The following PAQR8 variants were observed in gnomAD, a reference collection of about 807,000 sequenced individuals.
PAQR8 encodes the protein progestin and adipoQ receptor family member 8.
In PAQR8, 17 loss-of-function variants were observed where a neutral mutation model predicts 25.2. The observed-to-expected ratio is 0.67, with a 90% confidence interval of 0.46 to 1.01. The LOEUF is 1.01. PAQR8 is among the 50% of genes least tolerant of loss of function. The pLI is 0.00. For synonymous variants in PAQR8, 204 were observed against 190.6 expected (o/e 1.07, Z -0.58); for missense variants, 392 against 448.4 (o/e 0.87, Z 1.14).
rs1351880166 is a variant in PAQR8 at position 52,405,413 on chromosome 6, C to T, written c.*1135C>T. 2.4e-5 allele frequency: 4 copies of T among 167,114 alleles called. No individual in the cohort carries two copies. Among genetic ancestry groups the T allele is most frequent in the African/African-American group, 9.6e-5 (4 of 41,460 alleles). The allele number at this position is 167,114 out of a possible 1,614,324, so 10.4% of individuals were successfully genotyped here. On this transcript the variant is annotated 3_prime_UTR_variant, in exon 2 of 2. Transcript: ENST00000442253. ...ATACTCAAGTACTGGGATAGGCAAG[C>T]ATGTGTGTTTACTGTGGATTGGTCC...
intron 1 of PAQR8, among the ~76,000 whole-genome samples, chr6:52,380,040 C>T (rs777235148): frequency 6.6e-6 from 1 of 152,192 alleles, no homozygotes; most frequent in East Asian, 1.9e-4. Flanking sequence ...GGATTACAGG[C>T]GTGAGCCACC....
At position 52,403,142 on chromosome 6, in the gene PAQR8, T is replaced by G; in HGVS notation, c.-52-20T>G. 5 of 1,362,152 alleles carry G rather than the reference T, an allele frequency of 3.7e-6. No homozygotes were observed. Among genetic ancestry groups the G allele is most frequent in the Non-Finnish European group, 4.9e-6 (5 of 1,010,172 alleles). The allele number at this position is 1,362,152 out of a possible 1,614,324, so 84.4% of individuals were successfully genotyped here. ...TCGTGTCTCACTGCGGCTTTGCCAATTTTCCTTTCTTTTCTGCAGGTTGCA... is the reference window on the plus strand; with the variant it reads ...TCGTGTCTCACTGCGGCTTTGCCAAGTTTCCTTTCTTTTCTGCAGGTTGCA... On this transcript the variant is annotated intron_variant, in intron 1 of 1. Coordinates refer to ENST00000442253, the MANE Select transcript of PAQR8 (RefSeq NM_133367.5).
At chr6:52,367,039 C>T (rs1379736165) in intron 1 of PAQR8, among the ~76,000 whole-genome samples, 1 of 152,164 alleles carries the variant, frequency 6.6e-6, no homozygotes, top group Non-Finnish European at 1.5e-5. Flanking sequence ...CCACTGTGCC[C>T]AGCCTGGAGC....
chr6:52,383,466 C>T (rs1307743371), intron 1 of PAQR8, among the ~76,000 whole-genome samples: 1 of 151,890 alleles, frequency 6.6e-6, no homozygotes, highest in African/African-American at 2.4e-5. Flanking sequence ...TCGAGACCAT[C>T]CCGGCTAAAA....
At chr6:52,381,425 T>A (rs1228523541) in intron 1 of PAQR8, among the ~76,000 whole-genome samples, 1 of 152,204 alleles carries the variant, frequency 6.6e-6, no homozygotes, top group Non-Finnish European at 1.5e-5. Context: ...CTGGTCAACA[T>A]GGTGAAACCC....
At chr6:52,372,905 C>T (rs935839664) in intron 1 of PAQR8, among the ~76,000 whole-genome samples, 2 of 152,094 alleles carry the variant, frequency 1.3e-5, no homozygotes, top group Non-Finnish European at 2.9e-5. Context: ...CACTATATCC[C>T]TATTTGACAG....
intron 1 of PAQR8, among the ~76,000 whole-genome samples, chr6:52,395,668 A>G (rs1470090251): frequency 6.6e-6 from 1 of 152,262 alleles, no homozygotes; most frequent in African/African-American, 2.4e-5. Flanking sequence ...ACGTGTGGAT[A>G]GATTTATTTT....
At chr6:52,368,616 C>T (rs1239244811) in intron 1 of PAQR8, among the ~76,000 whole-genome samples, 3 of 152,136 alleles carry the variant, frequency 2.0e-5, no homozygotes, top group Admixed American at 2.0e-4. Context: ...GTTTTAGAAC[C>T]TTAGAGGTGT....
In PAQR8 at chr6:52,404,256, G is replaced by A; in HGVS notation, c.1043G>A (p.Arg348Lys). 6.2e-7 allele frequency: 1 copy of A among 1,600,630 alleles called. No individual in the cohort carries two copies. The change falls in exon 2 of 2, where the codon AGA (arginine) becomes AAA (lysine). Residue 348 changes from arginine (R) to lysine (K), a missense_variant. Transcript: ENST00000442253. ...CTTCTGAGGCACAAAGTCAAGGCCA[G>A]ACTGACCAAGAAAGATTCCTGAGGC... is the stretch of plus-strand genomic sequence containing the variant. ...AALLRHKVKA[R>K]LTKKDS is the part of the protein sequence containing the mutation.
At chr6:52,363,318 CT>C (rs568550198) in intron 1 of PAQR8, among the ~76,000 whole-genome samples, 138 of 152,272 alleles carry the variant, frequency 9.1e-4, no homozygotes, top group Admixed American at 1.6e-3. Context: ...TTGTCTTGAC[CT>C]AAGTTGCATT....
In PAQR8 at chr6:52,403,387, G is replaced by C. The variant is rs1453431277; in HGVS notation, c.174G>C (p.Thr58=). 6.2e-7 allele frequency: 1 copy of C among 1,614,232 alleles called. No homozygotes were observed. The highest frequency in any genetic ancestry group is 8.5e-7 in the Non-Finnish European group (1 of 1,180,038). ...EPYIRTGYRP[T]GHEWRYYFFS... is the part of the protein sequence containing the mutation. ...ACATCCGCACCGGCTACCGCCCCAC[G>C]GGGCACGAGTGGCGCTACTACTTCT... Residue 58 remains threonine (T), a synonymous_variant, in exon 2 of 2, where the codon ACG becomes ACC. Coordinates refer to ENST00000442253, the MANE Select transcript of PAQR8 (RefSeq NM_133367.5).
intron 1 of PAQR8, among the ~76,000 whole-genome samples, chr6:52,387,896 T>C (rs1029089988): frequency 6.6e-6 from 1 of 152,248 alleles, no homozygotes; most frequent in Non-Finnish European, 1.5e-5. Context: ...AATCCTATTG[T>C]GAACTGCACA....
intron 1 of PAQR8, among the ~76,000 whole-genome samples, chr6:52,390,645 T>C (rs1312485438): frequency 2.0e-5 from 3 of 152,204 alleles, no homozygotes; most frequent in Non-Finnish European, 4.4e-5. Flanking sequence ...TTTGACAATA[T>C]TGTGTATACT....
intron 1 of PAQR8, among the ~76,000 whole-genome samples, chr6:52,396,283 G>C (rs899922445): frequency 6.6e-6 from 1 of 152,184 alleles, no homozygotes; most frequent in African/African-American, 2.4e-5. Context: ...CTTCTAGTTA[G>C]AGTGTTGAAA....
At chr6:52,388,914 T>G (rs1193461370) in intron 1 of PAQR8, among the ~76,000 whole-genome samples, 1 of 152,208 alleles carries the variant, frequency 6.6e-6, no homozygotes, top group Non-Finnish European at 1.5e-5. Flanking sequence ...ACATTGGCGA[T>G]GTCAAGTGTG....
At chr6:52,368,604 T>C (rs1763382024) in intron 1 of PAQR8, among the ~76,000 whole-genome samples, 1 of 152,252 alleles carries the variant, frequency 6.6e-6, no homozygotes, top group African/African-American at 2.4e-5. Flanking sequence ...TTGAAAAACA[T>C]TGTTTTAGAA....
At chr6:52,377,036 T>A (rs1763492892) in intron 1 of PAQR8, among the ~76,000 whole-genome samples, 1 of 152,220 alleles carries the variant, frequency 6.6e-6, no homozygotes, top group South Asian at 2.1e-4. Context: ...AAATAGCTTC[T>A]TGCTGGTACT....
chr6:52,384,869 A>G (rs1044998371), intron 1 of PAQR8, among the ~76,000 whole-genome samples: 1 of 152,210 alleles, frequency 6.6e-6, no homozygotes, highest in Non-Finnish European at 1.5e-5. Context: ...GCACGCCTAC[A>G]ATCAACTGAT....
chr6:52,372,901 A>G (rs1763436926), intron 1 of PAQR8, among the ~76,000 whole-genome samples: 1 of 152,172 alleles, frequency 6.6e-6, no homozygotes, highest in Admixed American at 6.5e-5. Context: ...ATATCACTAT[A>G]TCCCTATTTG....
Sources: gnomAD v4.1 joint callset for allele counts (sites outside exome capture counted in the v4.1 genomes callset) on GRCh38, gnomAD v4.1.1 for gene constraint, MANE v1.5 for transcripts, NCBI Gene and HGNC (gene_info 2026-07-23, HGNC 2026-07-21) for gene names.